The following RELA variants were observed in gnomAD, a reference collection of about 807,000 sequenced individuals.
The protein encoded by RELA is transcription factor p65.
RELA carries 14 observed loss-of-function variants against 56.7 expected under a neutral mutation model. The ratio of observed to expected loss-of-function variants is 0.25; its 90% CI spans 0.16 to 0.39. The LOEUF is 0.39. RELA is among the 10% of genes least tolerant of loss of function. The pLI is 1.00. For synonymous variants in RELA, 315 were observed against 289.7 expected (o/e 1.09, Z -0.89); for missense variants, 559 against 736.4 (o/e 0.76, Z 2.79).
Position 65,654,069 on chromosome 11 carries a change from G to A in RELA, c.*309C>T, listed in dbSNP as rs539802577. The A allele has an allele frequency of 7.2e-5, 31 of 432,956 alleles. No homozygotes were observed. Among genetic ancestry groups the A allele is most frequent in the African/African-American group, 4.8e-4 (24 of 49,550 alleles). 26.8% of individuals were successfully genotyped at this position (432,956 alleles called of 1,614,324 possible). On this transcript the variant is annotated 3_prime_UTR_variant, in exon 11 of 11. Transcript: ENST00000406246. ...TGTCTCTAGGAGAGTACCAGAAGCT[G>A]GAGGATGGGGATGGGGGACCCCAGA...
intron 4 of RELA, among the ~76,000 whole-genome samples, chr11:65,661,227 A>C (rs1036093791): frequency 6.6e-6 from 1 of 151,956 alleles, no homozygotes; most frequent in African/African-American, 2.4e-5. Context: ...GGGTCTCACT[A>C]TGTTGCCTTG....
rs374014649 is a variant in RELA, at chr11:65,654,369, G to A, written c.*9C>T. On this transcript the variant is annotated 3_prime_UTR_variant, in exon 11 of 11. Transcript: ENST00000406246. The stretch of plus-strand genomic sequence containing the variant: ...ACCCAGTGCTCTGGGGAGGGCAGGC[G>A]TCACCCCCTTAGGAGCTGATCTGAC... 572 of 1,613,802 alleles carry A rather than the reference G, an allele frequency of 3.5e-4. 2 individuals carry two copies. The South Asian group carries it at 5.7e-3, about 16-fold the overall frequency.
chr11:65,662,855 C>CCGGGGT lies in RELA; in HGVS notation c.-29_-24dup, dbSNP rs1191928042. ...CATGGCCGGGGTCCCGGGGGCGGGG[C>CCGGGGT]CGGGGTCGCAGCTGGGCCCGCGGCG... On this transcript the variant is annotated 5_prime_UTR_variant, in exon 1 of 11. Coordinates refer to ENST00000406246, the MANE Select transcript of RELA (RefSeq NM_021975.4). 6 of 1,192,958 alleles carry CCGGGGT rather than the reference C, an allele frequency of 5.0e-6. No homozygotes were observed. The highest frequency in any genetic ancestry group is 6.2e-6 in the Non-Finnish European group (6 of 962,928). The allele number at this position is 1,192,958 out of a possible 1,614,324, so 73.9% of individuals were successfully genotyped here.
chr11:65,662,695 A>G, intron 1 of RELA, 131 bp downstream of exon 1: 1 of 680,938 alleles, frequency 1.5e-6, no homozygotes, highest in Non-Finnish European at 2.0e-6. Flanking sequence ...CCGCGCCACC[A>G]TCCGGCAGGC....
At position 65,662,901 on chromosome 11, in the gene RELA, C is replaced by A. The variant is rs1856611146; in HGVS notation, c.-69G>T. 8.6e-7 allele frequency: 1 copy of A among 1,158,052 alleles called. No homozygotes were observed. Among genetic ancestry groups the A allele is most frequent in the Non-Finnish European group, 1.1e-6 (1 of 934,664 alleles). 71.7% of individuals were successfully genotyped at this position (1,158,052 alleles called of 1,614,324 possible). ...CGGCGTGCACTACAGACGAGCCATT[C>A]GCCAGAGGCGGAAATGCGCCGCGCG... On this transcript the variant is annotated 5_prime_UTR_variant, in exon 1 of 11. Coordinates refer to ENST00000406246, the MANE Select transcript of RELA (RefSeq NM_021975.4).
At chr11:65,655,083 G>T in intron 10 of RELA, 83 bp from the exon 11 acceptor site, 1 of 1,123,142 alleles carries the variant, frequency 8.9e-7, no homozygotes, top group Non-Finnish European at 1.3e-6. Flanking sequence ...CCCTCTTCAT[G>T]GTGCTCAGGC....
chr11:65,663,262 C>G (rs1363863566), upstream of RELA, among the ~76,000 whole-genome samples: 3 of 152,164 alleles, frequency 2.0e-5, no homozygotes, highest in African/African-American at 7.2e-5. Context: ...GCCAGGGCTA[C>G]TGGGCTGCGG....
upstream of RELA, chr11:65,662,939 G>A (rs943330474): frequency 1.3e-3 from 1,230 of 962,970 alleles, 3 homozygotes; most frequent in Admixed American, 2.1e-3. Flanking sequence ...CCGCCGTCGC[G>A]TCACTGCCCG....
intron 10 of RELA, chr11:65,655,281 T>C (rs746286226): frequency 1.8e-6 from 1 of 566,832 alleles, no homozygotes; most frequent in Non-Finnish European, 3.1e-6. Flanking sequence ...GACTCCTCAG[T>C]TTACAGCTGA....
chr11:65,656,121 C>T (rs1856421164), intron 8 of RELA, among the ~76,000 whole-genome samples, 186 bp from the exon 9 acceptor site: 1 of 152,148 alleles, frequency 6.6e-6, no homozygotes, highest in Non-Finnish European at 1.5e-5. Flanking sequence ...TTTTGGAGGC[C>T]TCTGTTGGCT....
At chr11:65,661,037 TAAA>T (rs34431664) in intron 4 of RELA, among the ~76,000 whole-genome samples, 5 of 109,256 alleles carry the variant, frequency 4.6e-5, no homozygotes, top group African/African-American at 7.3e-5. Context: ...GACTCTTTCT[TAAA>T]AAAAAAAAAA....
chr11:65,660,054 G>A, intron 5 of RELA, 70 bp downstream of exon 5: 1 of 1,445,414 alleles, frequency 6.9e-7, no homozygotes, highest in Non-Finnish European at 9.7e-7. Flanking sequence ...GGCCAGTGAG[G>A]GAGATGCAGG....
intron 5 of RELA, 25 bp from the exon 6 acceptor site, chr11:65,659,822 A>C: frequency 6.3e-7 from 1 of 1,596,830 alleles, no homozygotes; most frequent in East Asian, 2.2e-5. Context: ...GGCGATCAGG[A>C]GAGCAGGGGA....
intron 8 of RELA, among the ~76,000 whole-genome samples, chr11:65,656,787 G>C (rs1237606318): frequency 6.6e-6 from 1 of 152,210 alleles, no homozygotes; most frequent in East Asian, 1.9e-4. Context: ...CACTTTGGGA[G>C]GTCGAGGCGG....
chr11:65,656,057 C>T lies in RELA; in HGVS notation c.878-122G>A, dbSNP rs567520275. 15 of 802,018 alleles carry T rather than the reference C, an allele frequency of 1.9e-5. No individual in the cohort carries two copies. In the African/African-American group the frequency reaches 2.4e-4, roughly 13 times the overall value. 49.7% of individuals were successfully genotyped at this position (802,018 alleles called of 1,614,324 possible). ...TCCCAAGACCCATTCTCCCAACCTT[C>T]TCTGCCAATGAGAAGGGATGTGTGA... On this transcript the variant is annotated intron_variant, in intron 8 of 10. Transcript: ENST00000406246.
chr11:65,655,716 G>C lies in RELA; in HGVS notation c.1005C>G (p.Ser335=). 1 of 1,614,058 alleles carries C rather than the reference G, an allele frequency of 6.2e-7. No homozygotes were observed. Among genetic ancestry groups the C allele is most frequent in the South Asian group, 1.1e-5 (1 of 91,078 alleles). ...GCTTGGGGACAGAAGCTGAGCTGCG[G>C]GAAGGCACAGCAATGCGTCGAGGTG... The part of the protein sequence containing the change: ...RPPPRRIAVP[S]RSSASVPKPA... The change falls in exon 10 of 11, where the codon TCC becomes TCG. Residue 335 remains serine, a synonymous_variant. Transcript: ENST00000406246.
In RELA at chr11:65,658,628, A is replaced by G. The variant is rs1459467425; in HGVS notation, c.664+90T>C. ...CTGAGGCCCCCGAGGCACAGGAGGA[A>G]GTATCCAAAGCCAGTTACCTGACAC... is the stretch of plus-strand genomic sequence containing the variant. On this transcript the variant is annotated intron_variant, in intron 7 of 10. Coordinates refer to ENST00000406246, the MANE Select transcript of RELA (RefSeq NM_021975.4). This position sits in a 1 kb window ranked among gnomAD's most constrained non-coding sequence, Gnocchi z 4.5. 32 of 1,409,514 alleles carry G rather than the reference A, an allele frequency of 2.3e-5. No individual in the cohort carries two copies. The highest frequency in any genetic ancestry group is 2.9e-5 in the Non-Finnish European group (29 of 999,274). The allele number at this position is 1,409,514 out of a possible 1,614,324, so 87.3% of individuals were successfully genotyped here. A position where few individuals can be genotyped will look rare whatever the true frequency, so the allele number is the denominator to read the frequency against.
At chr11:65,659,444 C>T (rs1419751056) in intron 6 of RELA, among the ~76,000 whole-genome samples, 2 of 152,170 alleles carry the variant, frequency 1.3e-5, no homozygotes, top group African/African-American at 2.4e-5. Context: ...ATCAGACTCT[C>T]TGCTAGACTT....
chr11:65,662,938 C>A, upstream of RELA: 1 of 968,472 alleles, frequency 1.0e-6, no homozygotes, highest in Non-Finnish European at 1.3e-6. Flanking sequence ...CCCGCCGTCG[C>A]GTCACTGCCC....
Sources: allele counts gnomAD v4.1 joint callset (sites outside exome capture counted in the v4.1 genomes callset), GRCh38; gene constraint gnomAD v4.1.1; non-coding constraint Gnocchi (gnomAD v3.1); transcripts MANE v1.5; gene names NCBI Gene and HGNC (gene_info 2026-07-23, HGNC 2026-07-21).